Variants in TRPM1 observed in about 807,000 individuals in gnomAD.
The protein encoded by TRPM1 is TRPM1-203 APA Isoform, Intron 10.
TRPM1 carries 113 observed loss-of-function variants against 149.4 expected under a neutral mutation model. The observed-to-expected ratio is 0.76, with a 90% confidence interval of 0.65 to 0.88. The LOEUF (loss-of-function observed/expected upper bound fraction) is 0.88. Ranked by LOEUF, TRPM1 falls within the 40% of genes least tolerant of loss-of-function variation. The pLI is 0.00. For missense variants in TRPM1, 1,976 were observed against 2,038.7 expected, an observed-to-expected ratio of 0.97 and a Z score of 0.59; for synonymous variants, 741 against 759.5, an observed-to-expected ratio of 0.98 and a Z score of 0.40.
chr15:31,131,851 C>A (rs1456212), intron 1 of TRPM1, among the ~76,000 whole-genome samples: 1 of 150,318 alleles, frequency 6.7e-6, no homozygotes, highest in South Asian at 2.1e-4. Context: ...CCTCTCTGGG[C>A]TCTCTGTGAG....
At chr15:31,145,584 G>A (rs2036214787) in intron 1 of TRPM1, among the ~76,000 whole-genome samples, 1 of 152,140 alleles carries the variant, frequency 6.6e-6, no homozygotes, top group African/African-American at 2.4e-5. Flanking sequence ...CTTTTCCAGA[G>A]GTAGCACTCT....
Position 31,031,079 on chromosome 15 carries a change from GCAGAA to G in TRPM1, c.3026_3030del (p.Ile1009ThrfsTer39). ...TTCCAAGAGGGCTTCTCCTCTGGAT[GCAGAA>G]TGGCTTGACGGGCTACTCCGAAACT... On this transcript the variant is annotated frameshift_variant, in exon 23 of 28. Transcript: ENST00000256552. LOFTEE classifies it high-confidence loss of function. 6.2e-7 allele frequency: 1 copy of G among 1,614,182 alleles called. No homozygotes were observed. The highest frequency in any genetic ancestry group is 2.2e-5 in the East Asian group (1 of 44,886).
At chr15:31,071,405 G>A (rs1430082444) in intron 3 of TRPM1, among the ~76,000 whole-genome samples, 1 of 151,496 alleles carries the variant, frequency 6.6e-6, no homozygotes, top group Admixed American at 6.6e-5. Context: ...ATGTGCGAAT[G>A]CGTGCACGTG....
rs917580007 is a variant in TRPM1, at chr15:31,068,102, A to T, written c.280-10T>A. The T allele has an allele frequency of 1.1e-5, 17 of 1,610,440 alleles. No individual in the cohort carries two copies. The Admixed American group carries it at 2.0e-4, about 19-fold the overall frequency. ...AGGATACACGGATATACTGTGAAAG[A>T]GTGTGTGGCACTCAGCCTCTGTTCT... On this transcript the variant is annotated splice_polypyrimidine_tract_variant and intron_variant, in intron 4 of 27. Transcript: ENST00000256552.
At chr15:31,112,560 G>A (rs1009949358) in intron 1 of TRPM1, among the ~76,000 whole-genome samples, 1 of 152,156 alleles carries the variant, frequency 6.6e-6, no homozygotes, top group Non-Finnish European at 1.5e-5. Context: ...ATCTCATGGT[G>A]CCCAGCTCCT....
At chr15:31,144,268 T>C (rs1463222392) in intron 1 of TRPM1, among the ~76,000 whole-genome samples, 1 of 152,100 alleles carries the variant, frequency 6.6e-6, no homozygotes, top group Admixed American at 6.5e-5. Context: ...AAAACCCGTC[T>C]CTACAAAAAA....
At chr15:31,067,747 C>A (rs902508588) in intron 5 of TRPM1, 132 bp downstream of exon 5, 19 of 899,796 alleles carry the variant, frequency 2.1e-5, no homozygotes, top group Middle Eastern at 3.4e-4. Context: ...GGAATAAAGA[C>A]TTCACTTTAG....
chr15:31,123,277 G>A (rs1350259527), intron 1 of TRPM1, among the ~76,000 whole-genome samples: 3 of 152,140 alleles, frequency 2.0e-5, no homozygotes, highest in Admixed American at 6.5e-5. Flanking sequence ...AGAGTTTGGC[G>A]ATGACTTTTC....
At chr15:31,043,616 C>T (rs765645849) in intron 16 of TRPM1, among the ~76,000 whole-genome samples, 1 of 151,574 alleles carries the variant, frequency 6.6e-6, no homozygotes, top group Non-Finnish European at 1.5e-5. Context: ...AGTGAAGCTA[C>T]AGTCGCAGTG....
intron 27 of TRPM1, among the ~76,000 whole-genome samples, chr15:31,011,158 T>C (rs1041553985): frequency 3.3e-5 from 5 of 152,200 alleles, no homozygotes; most frequent in African/African-American, 4.8e-5. Context: ...TTTAAAACTT[T>C]AAAAATCTTT....
At chr15:31,160,691 C>T (rs278352) in intron 1 of TRPM1, among the ~76,000 whole-genome samples, 111 of 152,340 alleles carry the variant, frequency 7.3e-4, no homozygotes, top group African/African-American at 2.6e-3. Flanking sequence ...CAACTGAGAC[C>T]ACAGGCGTTG....
chr15:31,126,965 T>TC (rs1362943181), intron 1 of TRPM1, among the ~76,000 whole-genome samples: 20 of 81,954 alleles, frequency 2.4e-4, no homozygotes, highest in African/African-American at 1.0e-3. Context: ...AGATCCTGTC[T>TC]CAAAACAAAC....
At chr15:31,158,325 G>A (rs1228244778) in intron 1 of TRPM1, among the ~76,000 whole-genome samples, 2 of 152,008 alleles carry the variant, frequency 1.3e-5, no homozygotes, top group South Asian at 2.1e-4. Flanking sequence ...GTAAAAGCAA[G>A]TTTATTAAGA....
intron 1 of TRPM1, among the ~76,000 whole-genome samples, chr15:31,131,515 C>T (rs1296670347): frequency 6.6e-6 from 1 of 152,170 alleles, no homozygotes; most frequent in African/African-American, 2.4e-5. Flanking sequence ...GCGATAAGAG[C>T]TTAGTTAAGA....
intron 10 of TRPM1, 66 bp from the exon 11 acceptor site, chr15:31,060,710 C>A: frequency 7.4e-7 from 1 of 1,345,942 alleles, no homozygotes; most frequent in Non-Finnish European, 1.1e-6. Flanking sequence ...TTGGCAGGTG[C>A]TGGGTGGTGA....
At chr15:31,018,486 GC>G (rs2032447570) in intron 27 of TRPM1, among the ~76,000 whole-genome samples, 1 of 151,824 alleles carries the variant, frequency 6.6e-6, no homozygotes. Context: ...CAATTCTCCT[GC>G]CTCAGCCTCC....
rs561190856 is a variant in TRPM1, at chr15:31,022,898, T to G, written c.3629+3241A>C. 1.3e-4 allele frequency among the ~76,000 whole-genome samples: 20 copies of G among 152,326 alleles called. No homozygotes were observed. In the East Asian group the frequency reaches 3.9e-3, roughly 29 times the overall value. Reference sequence around the variant, plus strand: ...TTAGCTGGGCGTGGTGGCACATACATGTATTCCCAGCTACTTCAGAGGCTG... The same window carrying G: ...TTAGCTGGGCGTGGTGGCACATACAGGTATTCCCAGCTACTTCAGAGGCTG... On this transcript the variant is annotated intron_variant, in intron 27 of 27. Transcript: ENST00000256552.
chr15:31,013,971 A>G (rs973093613), intron 27 of TRPM1, among the ~76,000 whole-genome samples: 1 of 152,216 alleles, frequency 6.6e-6, no homozygotes, highest in African/African-American at 2.4e-5. Flanking sequence ...TTCAACACTC[A>G]GGCAGTTTAC....
chr15:31,075,480 A>G (rs2034664422), intron 3 of TRPM1, among the ~76,000 whole-genome samples: 1 of 152,224 alleles, frequency 6.6e-6, no homozygotes, highest in Non-Finnish European at 1.5e-5. Context: ...TGAATCCATT[A>G]TAACCACTCT....
Sources: gnomAD v4.1 joint callset for allele counts (sites outside exome capture counted in the v4.1 genomes callset) on GRCh38, gnomAD v4.1.1 for gene constraint, MANE v1.5 for transcripts, NCBI Gene and HGNC (gene_info 2026-07-23, HGNC 2026-07-21) for gene names.